The following SESTD1 variants were observed in gnomAD, a reference collection of about 807,000 sequenced individuals.
SESTD1 encodes the protein SEC14 domain and spectrin repeat-containing protein 1.
SESTD1 carries 43 observed loss-of-function variants against 101.7 expected under a neutral mutation model. The ratio of observed to expected loss-of-function variants is 0.42; its 90% confidence interval spans 0.33 to 0.55. The LOEUF (loss-of-function observed/expected upper bound fraction) is 0.55. SESTD1 is among the 20% of genes least tolerant of loss of function. The pLI is 0.07. For synonymous variants in SESTD1, 283 were observed against 286.8 expected (o/e 0.99, Z 0.13); for missense variants, 647 against 815.1 (o/e 0.79, Z 2.51).
intron 1 of SESTD1, among the ~76,000 whole-genome samples, chr2:179,197,266 A>T (rs2046415538): frequency 6.6e-6 from 1 of 152,144 alleles, no homozygotes; most frequent in African/African-American, 2.4e-5. Flanking sequence ...AGAAAAAAAA[A>T]TAAAAACAAA....
intron 8 of SESTD1, 21 bp from the exon 9 acceptor site, chr2:179,143,824 T>G (rs1173494946): frequency 7.5e-6 from 12 of 1,605,790 alleles, no homozygotes; most frequent in Non-Finnish European, 1.0e-5. Flanking sequence ...AAAAGATACT[T>G]GAAATTAATA....
chr2:179,224,679 G>C (rs2046859720), intron 1 of SESTD1, among the ~76,000 whole-genome samples: 1 of 152,138 alleles, frequency 6.6e-6, no homozygotes, highest in African/African-American at 2.4e-5. Context: ...AGGTTGTGTT[G>C]ATCACCAATG....
intron 2 of SESTD1, among the ~76,000 whole-genome samples, chr2:179,184,989 C>T (rs916998936): frequency 6.6e-6 from 1 of 152,070 alleles, no homozygotes; most frequent in South Asian, 2.1e-4. Context: ...AAATGCTACA[C>T]AGAGACAAGC....
chr2:179,175,338 G>A (rs1039715814), intron 4 of SESTD1, among the ~76,000 whole-genome samples: 2 of 151,968 alleles, frequency 1.3e-5, no homozygotes, highest in African/African-American at 2.4e-5. Flanking sequence ...ATGATAAAAC[G>A]TTAAAAACCA....
intron 5 of SESTD1, among the ~76,000 whole-genome samples, chr2:179,169,615 C>A (rs145157482): frequency 6.6e-6 from 1 of 152,198 alleles, no homozygotes; most frequent in Non-Finnish European, 1.5e-5. Context: ...CTCCATCCAA[C>A]AACAGAATAC....
chr2:179,258,696 C>A (rs1011505993), intron 1 of SESTD1, among the ~76,000 whole-genome samples: 7 of 152,066 alleles, frequency 4.6e-5, no homozygotes, highest in African/African-American at 1.7e-4. Flanking sequence ...TGCATGCACA[C>A]ACACACACAC....
At chr2:179,200,226 A>T (rs1410858867) in intron 1 of SESTD1, among the ~76,000 whole-genome samples, 7 of 152,108 alleles carry the variant, frequency 4.6e-5, no homozygotes, top group Non-Finnish European at 1.0e-4. Context: ...GATGTGAAGG[A>T]CCTCTTCAAG....
At chr2:179,145,626 AGCACTATGTGCTT>A (rs944483305) in intron 8 of SESTD1, among the ~76,000 whole-genome samples, 16 of 152,364 alleles carry the variant, frequency 1.1e-4, no homozygotes, top group East Asian at 5.8e-4. Context: ...CATATCAGGC[AGCACTATGTGCTT>A]GCACTATGTG....
At chr2:179,152,940 A>T (rs2045558078) in intron 5 of SESTD1, among the ~76,000 whole-genome samples, 1 of 152,168 alleles carries the variant, frequency 6.6e-6, no homozygotes, top group Non-Finnish European at 1.5e-5. Flanking sequence ...ATAAATTAAG[A>T]TATTACAGGG....
At position 179,143,706 on chromosome 2, in the gene SESTD1, T is replaced by C. The variant is rs1438722386; in HGVS notation, c.735A>G (p.Pro245=). ...SPMDDELLAQ[P]QVMKLLDSLR... ...GTGAATCTAATAATTTCATAACCTG[T>C]GGCTGTGCAAGAAGTTCATCATCCA... Residue 245 remains proline, a synonymous_variant, in exon 9 of 18, where the codon CCA becomes CCG. Coordinates refer to ENST00000428443, the MANE Select transcript of SESTD1 (RefSeq NM_178123.5). 6.2e-7 allele frequency: 1 copy of C among 1,614,086 alleles called. No individual in the cohort carries two copies. The highest frequency in any genetic ancestry group is 8.5e-7 in the Non-Finnish European group (1 of 1,179,950).
chr2:179,183,226 T>TGTTAA, intron 2 of SESTD1, 38 bp from the exon 3 acceptor site: 4 of 1,283,644 alleles, frequency 3.1e-6, no homozygotes, highest in Non-Finnish European at 4.5e-6. Flanking sequence ...ATGTAATACA[T>TGTTAA]ATTAAGGCAT....
Position 179,243,128 on chromosome 2 carries a change from G to C in SESTD1, c.-26+21371C>G, listed in dbSNP as rs141550348. Among the ~76,000 whole-genome samples the C allele has an allele frequency of 5.5e-3, 842 of 152,220 alleles. 4 individuals are homozygous for C. Among genetic ancestry groups the C allele is most frequent in the African/African-American group, 0.019 (783 of 41,534 alleles). The stretch of plus-strand genomic sequence containing the variant: ...AAGCAAAAAACAACCCTATTAAAAA[G>C]TGGGCAATAGACATGAACAGACATA... On this transcript the variant is annotated intron_variant, in intron 1 of 17. Transcript: ENST00000428443.
At chr2:179,160,414 C>A (rs1269038228) in intron 5 of SESTD1, among the ~76,000 whole-genome samples, 4 of 151,744 alleles carry the variant, frequency 2.6e-5, no homozygotes, top group Non-Finnish European at 1.5e-5. Flanking sequence ...AGAAATAACA[C>A]CGTGAATTAG....
intron 1 of SESTD1, among the ~76,000 whole-genome samples, chr2:179,198,741 T>C (rs534362415): frequency 3.9e-5 from 6 of 152,080 alleles, no homozygotes; most frequent in African/African-American, 1.4e-4. Context: ...GAAATAAAGA[T>C]GTTCTTTGAA....
chr2:179,227,488 A>T (rs2046905796), intron 1 of SESTD1, among the ~76,000 whole-genome samples: 1 of 152,188 alleles, frequency 6.6e-6, no homozygotes, highest in Non-Finnish European at 1.5e-5. Flanking sequence ...TATTTCTAAG[A>T]ATTGAGGTAA....
At position 179,143,920 on chromosome 2, in the gene SESTD1, G is replaced by C. The variant is rs970427498; in HGVS notation, c.638-117C>G. 3.0e-6 allele frequency: 3 copies of C among 991,342 alleles called. No individual in the cohort carries two copies. In the African/African-American group the frequency reaches 4.9e-5, roughly 16 times the overall value. 61.4% of individuals were successfully genotyped at this position (991,342 alleles called of 1,614,324 possible). On this transcript the variant is annotated intron_variant, in intron 8 of 17. Transcript: ENST00000428443. ...AACCTATCTACCTACATATCTACCA[G>C]GTTATAAATGGAATTTAAAAATGTA... is the stretch of plus-strand genomic sequence containing the variant.
At chr2:179,120,606 G>A (rs1016853821) in intron 13 of SESTD1, among the ~76,000 whole-genome samples, 3 of 152,190 alleles carry the variant, frequency 2.0e-5, no homozygotes, top group Non-Finnish European at 4.4e-5. Context: ...TGTGCCTAAC[G>A]CTAATCACAG....
intron 6 of SESTD1, 24 bp downstream of exon 6, chr2:179,151,254 T>C: frequency 7.1e-7 from 1 of 1,410,584 alleles, no homozygotes; most frequent in Non-Finnish European, 9.7e-7. Context: ...GCAATAACAT[T>C]TTATCTCATT....
In SESTD1 at chr2:179,196,187, G is replaced by A. The variant is rs931123801; in HGVS notation, c.-25-4321C>T. 6.6e-5 allele frequency among the ~76,000 whole-genome samples: 10 copies of A among 152,250 alleles called. No homozygotes were observed. The South Asian group carries it at 8.3e-4, about 13-fold the overall frequency. On this transcript the variant is annotated intron_variant, in intron 1 of 17. Coordinates refer to ENST00000428443, the MANE Select transcript of SESTD1 (RefSeq NM_178123.5). ...GAGTTCCCTTTCCTAGTCAAAGAAC[G>A]GGGTGACAGATGGCACCTGGAAAAT...
Sources: allele counts gnomAD v4.1 joint callset (sites outside exome capture counted in the v4.1 genomes callset), GRCh38; gene constraint gnomAD v4.1.1; transcripts MANE v1.5; gene names NCBI Gene and HGNC (gene_info 2026-07-23, HGNC 2026-07-21).